Variants in LYG2 observed in about 807,000 individuals in gnomAD.
LYG2 encodes the protein lysozyme g2, also known as lysozyme g-like protein 2.
In LYG2, 25 loss-of-function variants were observed where a neutral mutation model predicts 22.4. The observed-to-expected ratio is 1.12, with a 90% confidence interval of 0.81 to 1.56. The LOEUF is 1.56. LYG2 is among the 40% of genes most tolerant of loss of function. The pLI, the probability that LYG2 is intolerant of heterozygous loss-of-function variation, is 0.00. For synonymous variants in LYG2, 88 were observed against 97.0 expected, an observed-to-expected ratio of 0.91 and a Z score of 0.55; for missense variants, 266 against 269.5, an observed-to-expected ratio of 0.99 and a Z score of 0.09.
In LYG2 at chr2:99,250,934, T is replaced by A. The variant is rs183387800; in HGVS notation, c.43+3284A>T. Among the ~76,000 whole-genome samples, 69 of 152,378 alleles carry A rather than the reference T, an allele frequency of 4.5e-4. 1 individual carries two copies. The East Asian group carries it at 8.3e-3, about 18-fold the overall frequency. ...AAAAGGAAAGAATAAGACCTGTATATACTCCTGTAAAATTCTCTCCAGGGA... is the reference window on the plus strand; with the variant it reads ...AAAAGGAAAGAATAAGACCTGTATAAACTCCTGTAAAATTCTCTCCAGGGA... On this transcript the variant is annotated intron_variant, in intron 3 of 6. Transcript: ENST00000333017.
chr2:99,245,409 T>G lies in LYG2; in HGVS notation c.234A>C (p.Lys78Asn), dbSNP rs770909877. 184 of 1,611,610 alleles carry G rather than the reference T, an allele frequency of 1.1e-4. No homozygotes were observed. The highest frequency in any genetic ancestry group is 1.4e-4 in the Non-Finnish European group (170 of 1,178,880). Residue 78 changes from lysine (K) to asparagine (N), a missense_variant, in exon 5 of 7, where the codon AAA becomes AAC. Coordinates refer to ENST00000333017, the MANE Select transcript of LYG2 (RefSeq NM_175735.4). Reference protein sequence around the residue: ...MFAEMDLRAIKPYQTLIKEVG... With the variant: ...MFAEMDLRAINPYQTLIKEVG... The stretch of plus-strand genomic sequence containing the variant: ...CTTCTTTGATCAGAGTCTGGTAAGG[T>G]TTTATGGCCCTCAAATCCATCTCAG...
rs916224882 is a variant in LYG2 at position 99,244,032 on chromosome 2, A to G, written c.487T>C (p.Phe163Leu). Residue 163 changes from phenylalanine to leucine, a missense_variant, in exon 6 of 7, where the codon TTC (phenylalanine) becomes CTC (leucine). Transcript: ENST00000333017. ...TERIKAIQKKFPTWSVAQHLK... is the reference protein window; with the variant it reads ...TERIKAIQKKLPTWSVAQHLK... ...TGCTGAGCAACACTCCACGTGGGGA[A>G]TTTTTTCTGGATTGCCTTAATTCTC... 6.2e-7 allele frequency: 1 copy of G among 1,613,960 alleles called. No homozygotes were observed. The highest frequency in any genetic ancestry group is 8.5e-7 in the Non-Finnish European group (1 of 1,179,966).
intron 4 of LYG2, among the ~76,000 whole-genome samples, chr2:99,245,908 G>T (rs757098784): frequency 6.6e-6 from 1 of 152,180 alleles, no homozygotes; most frequent in Non-Finnish European, 1.5e-5. Flanking sequence ...AGGAGCTCAA[G>T]ACTAGCCTGG....
intron 3 of LYG2, among the ~76,000 whole-genome samples, chr2:99,247,694 T>A (rs1358547166): frequency 6.6e-6 from 1 of 152,242 alleles, no homozygotes; most frequent in Admixed American, 6.5e-5. Context: ...AACATCTAGA[T>A]TAACAATTTG....
chr2:99,250,306 C>T lies in LYG2; in HGVS notation c.44-3486G>A, dbSNP rs151321465. ...AAATAGTCCTTAAACATATAAAAGA[C>T]GTTAAACCACACTCAAAAGAAGAGA... On this transcript the variant is annotated intron_variant, in intron 3 of 6. Transcript: ENST00000333017. Among the ~76,000 whole-genome samples, 1,394 of 151,460 alleles carry T rather than the reference C, an allele frequency of 9.2e-3. 22 individuals are homozygous for T. The highest frequency in any genetic ancestry group is 0.032 in the African/African-American group (1,322 of 41,300).
Position 99,245,403 on chromosome 2 carries a change from G to T in LYG2, c.240C>A (p.Tyr80Ter), listed in dbSNP as rs778083018. Residue 80 changes from tyrosine (Y) to a stop codon, truncating the protein, a stop_gained, in exon 5 of 7, where the codon TAC (tyrosine) becomes TAA (stop). Coordinates refer to ENST00000333017, the MANE Select transcript of LYG2 (RefSeq NM_175735.4). LOFTEE classifies it high-confidence loss of function. ...GCCCGACTTCTTTGATCAGAGTCTG[G>T]TAAGGTTTTATGGCCCTCAAATCCA... ...AEMDLRAIKPYQTLIKEVGQR... is the reference protein window; with the variant it reads ...AEMDLRAIKP 36 of 1,612,456 alleles carry T rather than the reference G, an allele frequency of 2.2e-5. No individual in the cohort carries two copies. Among genetic ancestry groups the T allele is most frequent in the Middle Eastern group, 3.3e-4 (2 of 6,054 alleles).
intron 3 of LYG2, among the ~76,000 whole-genome samples, chr2:99,248,857 A>G (rs892614761): frequency 3.3e-5 from 5 of 152,082 alleles, no homozygotes; most frequent in African/African-American, 9.7e-5. Context: ...TTCTTATTAT[A>G]TATCATTTAC....
At chr2:99,259,961 T>TTA (rs2094044205), upstream of LYG2, among the ~76,000 whole-genome samples, 1 of 6,058 alleles carries the variant, frequency 1.7e-4, no homozygotes, top group Non-Finnish European at 8.3e-4. Flanking sequence ...AAAGTAAACT[T>TTA]TTTTTTTTTT....
chr2:99,250,593 C>G (rs2094024732), intron 3 of LYG2, among the ~76,000 whole-genome samples: 3 of 152,150 alleles, frequency 2.0e-5, no homozygotes. Flanking sequence ...CCAGGATGGT[C>G]TCGATCTGCT....
upstream of LYG2, among the ~76,000 whole-genome samples, chr2:99,258,177 C>T (rs749040705): frequency 2.0e-5 from 3 of 152,234 alleles, no homozygotes; most frequent in Non-Finnish European, 4.4e-5. Flanking sequence ...TCAGGAACAA[C>T]AGCCAAGGAG....
At chr2:99,251,731 C>A (rs2094026938) in intron 3 of LYG2, among the ~76,000 whole-genome samples, 1 of 152,070 alleles carries the variant, frequency 6.6e-6, no homozygotes. Flanking sequence ...AACCAGCGCT[C>A]CTCAGAATAA....
At chr2:99,243,467 A>G (rs1179948404) in intron 6 of LYG2, 2 of 1,549,070 alleles carry the variant, frequency 1.3e-6, no homozygotes, top group East Asian at 2.4e-5. Flanking sequence ...TATAACAGGA[A>G]AAAACCTATG....
intron 5 of LYG2, 59 bp downstream of exon 5, chr2:99,245,203 G>A: frequency 2.7e-6 from 4 of 1,480,550 alleles, no homozygotes; most frequent in Non-Finnish European, 3.6e-6. Context: ...TTCTAGTTCA[G>A]GTTGAGCTTC....
chr2:99,251,240 G>A (rs1394992523), intron 3 of LYG2, among the ~76,000 whole-genome samples: 1 of 151,030 alleles, frequency 6.6e-6, no homozygotes, highest in Admixed American at 6.6e-5. Context: ...TCATAAAAAA[G>A]AAGAACAAAT....
intron 3 of LYG2, among the ~76,000 whole-genome samples, chr2:99,251,302 T>C (rs2094026139): frequency 6.6e-6 from 1 of 152,200 alleles, no homozygotes; most frequent in African/African-American, 2.4e-5. Context: ...AGAGGAGAAT[T>C]ATCTTAAGTG....
intron 3 of LYG2, 64 bp downstream of exon 3, chr2:99,254,153 AT>A (rs2094031816): frequency 4.3e-6 from 6 of 1,394,192 alleles, no homozygotes; most frequent in Non-Finnish European, 6.1e-6. Flanking sequence ...TTTCTGATTC[AT>A]GATTGTGCTG....
intron 3 of LYG2, among the ~76,000 whole-genome samples, chr2:99,252,612 A>T (rs1172596468): frequency 4.6e-5 from 7 of 152,200 alleles, no homozygotes. Context: ...TGAGACAGAA[A>T]GGGATTGTTT....
chr2:99,258,935 A>G (rs763323817), upstream of LYG2, among the ~76,000 whole-genome samples: 2 of 152,252 alleles, frequency 1.3e-5, no homozygotes, highest in African/African-American at 2.4e-5. Context: ...CAAATGGCCA[A>G]TAAAGCTCAT....
chr2:99,246,646 G>A (rs780245745), intron 4 of LYG2, 34 bp downstream of exon 4: 3 of 1,600,628 alleles, frequency 1.9e-6, no homozygotes, highest in African/African-American at 2.7e-5. Context: ...CGATGAAAGG[G>A]GGAAGCCAGT....
Sources: gnomAD v4.1 joint callset for allele counts (sites outside exome capture counted in the v4.1 genomes callset) on GRCh38, gnomAD v4.1.1 for gene constraint, MANE v1.5 for transcripts, NCBI Gene and HGNC (gene_info 2026-07-23, HGNC 2026-07-21) for gene names.